Variants in KRT77 observed in about 807,000 individuals in gnomAD.
KRT77 encodes the protein keratin, type II cytoskeletal 1b.
Under a neutral mutation model 51.5 loss-of-function variants are expected in KRT77, and 44 were observed. That is an observed-to-expected ratio of 0.85 (90% CI 0.67 to 1.10). KRT77 has a LOEUF of 1.10. KRT77 is among the 50% of genes least tolerant of loss of function. The pLI is 0.00. For missense variants in KRT77, 763 were observed against 743.9 expected, an observed-to-expected ratio of 1.03 and a Z score of -0.30; for synonymous variants, 293 against 302.0, an observed-to-expected ratio of 0.97 and a Z score of 0.31.
chr12:52,703,191 A>G lies in KRT77; in HGVS notation c.244T>C (p.Phe82Leu), dbSNP rs746065670. ...CCCCCTACTCCCCCACCCTGGCAGA[A>G]ACCACTGGTGCTCCTCCCCATTAGA... Reference protein sequence around the residue: ...INLMGRSTSGFCQGGGVGGFG... With the variant: ...INLMGRSTSGLCQGGGVGGFG... Residue 82 changes from phenylalanine (F) to leucine (L), a missense_variant, in exon 1 of 9, where the codon TTC becomes CTC. Transcript: ENST00000341809. 6.2e-7 allele frequency: 1 copy of G among 1,613,002 alleles called. No homozygotes were observed. The highest frequency in any genetic ancestry group is 1.1e-5 in the South Asian group (1 of 90,878).
Position 52,703,314 on chromosome 12 carries a change from G to C in KRT77, c.121C>G (p.Arg41Gly). 2.5e-6 allele frequency: 4 copies of C among 1,613,886 alleles called. No individual in the cohort carries two copies. Among genetic ancestry groups the C allele is most frequent in the Non-Finnish European group, 2.5e-6 (3 of 1,179,988 alleles). Residue 41 changes from arginine to glycine, a missense_variant, in exon 1 of 9, where the codon CGA becomes GGA. Arg to Gly is a moderately radical substitution (Grantham distance 125). Coordinates refer to ENST00000341809, the MANE Select transcript of KRT77 (RefSeq NM_175078.3). ...TATCCACCACCACCACACCTCCCTC[G>C]AGCATAACACACAGAACCCACTGCC... ...SPAVGSVCYA[R>G]GRCGGGGYGI...
rs370362978 is a variant in KRT77 at position 52,698,489 on chromosome 12, T to A, written c.544-593A>T. Among the ~76,000 whole-genome samples the A allele has an allele frequency of 4.6e-5, 7 of 152,288 alleles. No homozygotes were observed. In the South Asian group the frequency reaches 6.2e-4, roughly 14 times the overall value. ...TTTTAAGGCAAATGTCCTCATTTTTTAAAAGTCTAATGCATTCAAGTGCCC... is the reference window on the plus strand; with the variant it reads ...TTTTAAGGCAAATGTCCTCATTTTTAAAAAGTCTAATGCATTCAAGTGCCC... On this transcript the variant is annotated intron_variant, in intron 1 of 8. Coordinates refer to ENST00000341809, the MANE Select transcript of KRT77 (RefSeq NM_175078.3).
In KRT77 at chr12:52,703,338, C is replaced by A. The variant is rs752005909; in HGVS notation, c.97G>T (p.Ala33Ser). The A allele has an allele frequency of 6.2e-7, 1 of 1,614,162 alleles. No individual in the cohort carries two copies. Among genetic ancestry groups the A allele is most frequent in the Non-Finnish European group, 8.5e-7 (1 of 1,180,024 alleles). Residue 33 changes from alanine to serine, a missense_variant, in exon 1 of 9, where the codon GCA becomes TCA. Coordinates refer to ENST00000341809, the MANE Select transcript of KRT77 (RefSeq NM_175078.3). ...SSAGSGGGSP[A>S]VGSVCYARGR... is the part of the protein sequence containing the mutation. The stretch of plus-strand genomic sequence containing the variant: ...CGAGCATAACACACAGAACCCACTG[C>A]CGGACTCCCACCACCAGAGCCTGCA...
chr12:52,692,534 GGA>G lies in KRT77; in HGVS notation c.1312_1313del (p.Ser438GlnfsTer10). On this transcript the variant is annotated frameshift_variant, in exon 7 of 9. Coordinates refer to ENST00000341809, the MANE Select transcript of KRT77 (RefSeq NM_175078.3). LOFTEE classifies it high-confidence loss of function. ...GCAGCAGCCGGGCCAGCTCCTCCTT[GGA>G]CTGCTGCAGGGCCTCCTCCAGGTCC... ...LQDLEEALQQ[S>X]KEELARLLRD... 1 of 1,613,972 alleles carries G rather than the reference GGA, an allele frequency of 6.2e-7. No homozygotes were observed. Among genetic ancestry groups the G allele is most frequent in the Non-Finnish European group, 8.5e-7 (1 of 1,179,968 alleles).
Position 52,703,250 on chromosome 12 carries a change from T to C in KRT77, c.185A>G (p.Tyr62Cys). 6.2e-7 allele frequency: 1 copy of C among 1,613,312 alleles called. No homozygotes were observed. Among genetic ancestry groups the C allele is most frequent in the Non-Finnish European group, 8.5e-7 (1 of 1,179,912 alleles). The change falls in exon 1 of 9, where the codon TAC (tyrosine) becomes TGC (cysteine). Residue 62 changes from tyrosine to cysteine, a missense_variant. Physicochemically the swap from Tyr to Cys is radical, Grantham distance 194. Coordinates refer to ENST00000341809, the MANE Select transcript of KRT77 (RefSeq NM_175078.3). Reference sequence around the variant, plus strand: ...GATGCTTCTACTGCCACCCAGATTGTAGAGGCTCCTAGAGCCAAACCCCCT... The same window carrying C: ...GATGCTTCTACTGCCACCCAGATTGCAGAGGCTCCTAGAGCCAAACCCCCT... ...HGRGFGSRSL[Y>C]NLGGSRSISI...
At position 52,703,181 on chromosome 12, in the gene KRT77, C is replaced by A; in HGVS notation, c.254G>T (p.Gly85Val). The change falls in exon 1 of 9, where the codon GGT becomes GTT. Residue 85 changes from glycine to valine, a missense_variant. By Grantham distance (109) the Gly-to-Val change is moderately radical. Coordinates refer to ENST00000341809, the MANE Select transcript of KRT77 (RefSeq NM_175078.3). ...CCCTCCAAATCCCCCTACTCCCCCA[C>A]CCTGGCAGAAACCACTGGTGCTCCT... ...MGRSTSGFCQGGGVGGFGGGR... is the reference protein window; with the variant it reads ...MGRSTSGFCQVGGVGGFGGGR... 2 of 1,612,436 alleles carry A rather than the reference C, an allele frequency of 1.2e-6. No individual in the cohort carries two copies. Among genetic ancestry groups the A allele is most frequent in the Non-Finnish European group, 1.7e-6 (2 of 1,179,258 alleles).
chr12:52,700,709 C>G (rs1220514284), intron 1 of KRT77, among the ~76,000 whole-genome samples: 1 of 152,172 alleles, frequency 6.6e-6, no homozygotes, highest in Non-Finnish European at 1.5e-5. Flanking sequence ...CCTGATTCCA[C>G]AAATGCAAGT....
intron 2 of KRT77, among the ~76,000 whole-genome samples, chr12:52,696,997 G>A (rs1028318628): frequency 6.6e-5 from 10 of 152,178 alleles, no homozygotes; most frequent in South Asian, 2.1e-4. Flanking sequence ...CTGCCTGCAC[G>A]GCTCAGGAGC....
rs1941704324 is a variant in KRT77 at position 52,691,336 on chromosome 12, T to TCCGCCGCCATAGCCC, written c.1551_1565dup (p.Gly518_Gly522dup). 13 of 1,598,654 alleles carry TCCGCCGCCATAGCCC rather than the reference T, an allele frequency of 8.1e-6. No homozygotes were observed. Among genetic ancestry groups the TCCGCCGCCATAGCCC allele is most frequent in the Non-Finnish European group, 1.1e-5 (13 of 1,173,280 alleles). ...GTGCCCCGCCTCCGCGGTAGCTTCT[T>TCCGCCGCCATAGCCC]CCGCCGCCATAGCCCCCACCGCTGC... On this transcript the variant is annotated inframe_insertion, in exon 9 of 9. Coordinates refer to ENST00000341809, the MANE Select transcript of KRT77 (RefSeq NM_175078.3).
intron 4 of KRT77, 143 bp from the exon 5 acceptor site, chr12:52,694,933 G>T (rs1449032911): frequency 4.6e-6 from 3 of 656,994 alleles, no homozygotes; most frequent in Non-Finnish European, 7.3e-6. Context: ...ATTGTTGTGT[G>T]CAATGAGAGA....
At position 52,691,450 on chromosome 12, in the gene KRT77, G is replaced by A; in HGVS notation, c.1463-11C>T. 9 of 1,569,526 alleles carry A rather than the reference G, an allele frequency of 5.7e-6. No individual in the cohort carries two copies. Among genetic ancestry groups the A allele is most frequent in the Non-Finnish European group, 6.9e-6 (8 of 1,163,736 alleles). On this transcript the variant is annotated splice_polypyrimidine_tract_variant and intron_variant, in intron 8 of 8. Transcript: ENST00000341809. The stretch of plus-strand genomic sequence containing the variant: ...GGCTGTTCTGCACGGCTGTGGGTAG[G>A]GGACAGTGCACACGGGGTCAGAGGG...
At chr12:52,700,901 A>G (rs1320124944) in intron 1 of KRT77, among the ~76,000 whole-genome samples, 2 of 152,176 alleles carry the variant, frequency 1.3e-5, no homozygotes, top group African/African-American at 2.4e-5. Flanking sequence ...TCAAGGGTGA[A>G]AGCAGGAAGA....
rs1411276999 is a variant in KRT77 at position 52,703,173 on chromosome 12, C to G, written c.262G>C (p.Val88Leu). 6.2e-7 allele frequency: 1 copy of G among 1,608,072 alleles called. No individual in the cohort carries two copies. Among genetic ancestry groups the G allele is most frequent in the Admixed American group, 1.7e-5 (1 of 59,690 alleles). Residue 88 changes from valine to leucine, a missense_variant, in exon 1 of 9, where the codon GTA (valine) becomes CTA (leucine). Transcript: ENST00000341809. ...CCTCTGCCCCCTCCAAATCCCCCTACTCCCCCACCCTGGCAGAAACCACTG... is the reference window on the plus strand; with the variant it reads ...CCTCTGCCCCCTCCAAATCCCCCTAGTCCCCCACCCTGGCAGAAACCACTG... ...STSGFCQGGG[V>L]GGFGGGRGFG... is the part of the protein sequence containing the mutation.
rs1941827737 is a variant in KRT77 at position 52,698,110 on chromosome 12, T to C, written c.544-214A>G. 6 of 1,467,046 alleles carry C rather than the reference T, an allele frequency of 4.1e-6. No individual in the cohort carries two copies. The Admixed American group carries it at 1.2e-4, about 30-fold the overall frequency. The allele number at this position is 1,467,046 out of a possible 1,614,324, so 90.9% of individuals were successfully genotyped here. ...GCTGTAAGGTCAACTTGCCTAAAAT[T>C]GACACTAAGCTCACTCTGGTTTTGA... is the stretch of plus-strand genomic sequence containing the variant. On this transcript the variant is annotated intron_variant, in intron 1 of 8. Transcript: ENST00000341809.
In KRT77 at chr12:52,690,509, G is replaced by T. The variant is rs146786824; in HGVS notation, c.*656C>A. ...TGCAGAGGTTTTCCTTACCAAGCTA[G>T]CTTGCCCTGCAATCAGCAACTTCCC... On this transcript the variant is annotated 3_prime_UTR_variant, in exon 9 of 9. Transcript: ENST00000341809. The T allele has an allele frequency of 5.3e-3, 831 of 156,266 alleles. 4 individuals carry two copies. Among genetic ancestry groups the T allele is most frequent in the Non-Finnish European group, 8.2e-3 (577 of 70,484 alleles). 9.7% of individuals were successfully genotyped at this position (156,266 alleles called of 1,614,324 possible).
chr12:52,691,548 G>C, intron 8 of KRT77, 109 bp from the exon 9 acceptor site: 1 of 1,278,718 alleles, frequency 7.8e-7, no homozygotes, highest in South Asian at 1.4e-5. Flanking sequence ...CCGTGGCATC[G>C]ACTTGCAAAC....
rs746944132 is a variant in KRT77, at chr12:52,703,467, G to C, written c.-33C>G. ...GGAGCATCCAGAGAAGCAGGCAAGAGAAAGAGCCTGGCAGGAAGGAGGCAG... is the reference window on the plus strand; with the variant it reads ...GGAGCATCCAGAGAAGCAGGCAAGACAAAGAGCCTGGCAGGAAGGAGGCAG... On this transcript the variant is annotated 5_prime_UTR_variant, in exon 1 of 9. Coordinates refer to ENST00000341809, the MANE Select transcript of KRT77 (RefSeq NM_175078.3). 8.1e-5 allele frequency: 124 copies of C among 1,531,764 alleles called. No individual in the cohort carries two copies. The highest frequency in any genetic ancestry group is 1.1e-4 in the Non-Finnish European group (121 of 1,139,460). The allele number at this position is 1,531,764 out of a possible 1,614,324, so 94.9% of individuals were successfully genotyped here.
At chr12:52,697,321 C>T (rs1013955112) in intron 2 of KRT77, among the ~76,000 whole-genome samples, 2 of 152,240 alleles carry the variant, frequency 1.3e-5, no homozygotes, top group African/African-American at 4.8e-5. Context: ...CTACCCACAA[C>T]AATCCAACAA....
At chr12:52,701,141 AG>A (rs1283118237) in intron 1 of KRT77, among the ~76,000 whole-genome samples, 3 of 152,196 alleles carry the variant, frequency 2.0e-5, no homozygotes, top group Non-Finnish European at 4.4e-5. Flanking sequence ...GAGCCTCAGG[AG>A]GTCAGTTGCC....
Sources: allele counts gnomAD v4.1 joint callset (sites outside exome capture counted in the v4.1 genomes callset), GRCh38; gene constraint gnomAD v4.1.1; transcripts MANE v1.5; gene names NCBI Gene and HGNC (gene_info 2026-07-23, HGNC 2026-07-21).